Variants in MTHFD1L observed in about 807,000 individuals in gnomAD.
The protein encoded by MTHFD1L is monofunctional C1-tetrahydrofolate synthase, mitochondrial.
A neutral mutation model predicts 119.5 loss-of-function variants in MTHFD1L; 81 were observed. The ratio of observed to expected loss-of-function variants is 0.68; its 90% CI spans 0.57 to 0.82. MTHFD1L has a LOEUF of 0.82. Among genes scored for constraint, MTHFD1L ranks in the 40% least tolerant of loss-of-function variants. The pLI is 0.00. For synonymous variants in MTHFD1L, 430 were observed against 475.2 expected, an observed-to-expected ratio of 0.90 and a Z score of 1.24; for missense variants, 1,125 against 1,253.4, an observed-to-expected ratio of 0.90 and a Z score of 1.55.
At chr6:150,958,206 TTTTA>T (rs1429558397) in intron 17 of MTHFD1L, among the ~76,000 whole-genome samples, 1 of 152,206 alleles carries the variant, frequency 6.6e-6, no homozygotes, top group African/African-American at 2.4e-5. Flanking sequence ...TTTAACTGCT[TTTTA>T]TTTATCATAA....
chr6:151,044,618 C>T (rs980828377), intron 26 of MTHFD1L, among the ~76,000 whole-genome samples: 2 of 152,080 alleles, frequency 1.3e-5, no homozygotes, highest in Admixed American at 6.6e-5. Flanking sequence ...TGCTTTTTTC[C>T]TCCTGTCGGG....
At chr6:151,042,580 G>C (rs1787295855) in intron 26 of MTHFD1L, among the ~76,000 whole-genome samples, 1 of 152,142 alleles carries the variant, frequency 6.6e-6, no homozygotes, top group African/African-American at 2.4e-5. Flanking sequence ...AAATAATTTA[G>C]TAGTAGGTGG....
chr6:151,032,747 G>A (rs965108925), intron 24 of MTHFD1L, among the ~76,000 whole-genome samples: 1 of 152,102 alleles, frequency 6.6e-6, no homozygotes, highest in South Asian at 2.1e-4. Flanking sequence ...CTCTTTTTAT[G>A]TCCCTCAGTG....
At chr6:151,010,654 A>G (rs1305357290) in intron 21 of MTHFD1L, among the ~76,000 whole-genome samples, 2 of 152,152 alleles carry the variant, frequency 1.3e-5, no homozygotes, top group East Asian at 3.8e-4. Flanking sequence ...AAACCTGTGC[A>G]TAGATTTTTG....
intron 18 of MTHFD1L, among the ~76,000 whole-genome samples, chr6:150,962,823 ACTC>A (rs1217699398): frequency 2.0e-5 from 3 of 150,270 alleles, no homozygotes; most frequent in African/African-American, 7.4e-5. Context: ...TAGGAAAACT[ACTC>A]CTCTTCTTCC....
At chr6:150,866,718 A>G in intron 1 of MTHFD1L, 1 of 1,103,038 alleles carries the variant, frequency 9.1e-7, no homozygotes. Flanking sequence ...CGCAGCGCCC[A>G]CGGAGTCCCC....
At chr6:150,950,051 G>A (rs373803442) in intron 16 of MTHFD1L, among the ~76,000 whole-genome samples, 7 of 137,452 alleles carry the variant, frequency 5.1e-5, no homozygotes, top group African/African-American at 1.8e-4. Flanking sequence ...TATCAGATGC[G>A]CATTTTATAG....
intron 18 of MTHFD1L, among the ~76,000 whole-genome samples, chr6:150,960,932 A>G (rs894333539): frequency 2.6e-5 from 4 of 152,124 alleles, no homozygotes; most frequent in African/African-American, 7.2e-5. Context: ...CTCTGCCTCA[A>G]TCAGTCTTGC....
In MTHFD1L at chr6:150,944,524, C is replaced by T. The variant is rs952366123; in HGVS notation, c.1479C>T (p.Thr493=). 22 of 1,614,026 alleles carry T rather than the reference C, an allele frequency of 1.4e-5. No homozygotes were observed. The highest frequency in any genetic ancestry group is 5.3e-5 in the African/African-American group (4 of 75,050). Reference sequence around the variant, plus strand: ...TGACTGGAGACATCCACGCCATCACCGCTGCCAATAACTTGCTGGCTGCCG... The same window carrying T: ...TGACTGGAGACATCCACGCCATCACTGCTGCCAATAACTTGCTGGCTGCCG... ...LHLTGDIHAI[T]AANNLLAAAI... Residue 493 remains threonine, a synonymous_variant, in exon 14 of 28, where the codon ACC becomes ACT. Transcript: ENST00000367321.
chr6:150,907,998 G>A (rs11962949), intron 8 of MTHFD1L, among the ~76,000 whole-genome samples: 7,146 of 150,448 alleles, frequency 0.047, 588 homozygotes, highest in African/African-American at 0.17. Flanking sequence ...TCTGGGTTCA[G>A]GTGATTCTCC....
At position 151,020,883 on chromosome 6, in the gene MTHFD1L, C is replaced by T. The variant is rs145438732; in HGVS notation, c.2586+5190C>T. 4.7e-3 allele frequency among the ~76,000 whole-genome samples: 709 copies of T among 152,304 alleles called. 5 individuals carry two copies. The highest frequency in any genetic ancestry group is 0.016 in the African/African-American group (676 of 41,568). On this transcript the variant is annotated intron_variant, in intron 24 of 27. Coordinates refer to ENST00000367321, the MANE Select transcript of MTHFD1L (RefSeq NM_015440.5). ...GCTGAAAGAAACGCTAATCTACATGCGCACTTTATTAGCTAAGAAATCCCT... is the reference window on the plus strand; with the variant it reads ...GCTGAAAGAAACGCTAATCTACATGTGCACTTTATTAGCTAAGAAATCCCT...
intron 8 of MTHFD1L, among the ~76,000 whole-genome samples, chr6:150,912,474 C>T (rs941999100): frequency 6.6e-6 from 1 of 152,076 alleles, no homozygotes; most frequent in East Asian, 1.9e-4. Context: ...GGCCAGACTG[C>T]ATAGAAGCTG....
intron 10 of MTHFD1L, among the ~76,000 whole-genome samples, chr6:150,922,639 C>A (rs1008635985): frequency 2.0e-5 from 2 of 98,668 alleles, no homozygotes; most frequent in East Asian, 6.4e-4. Flanking sequence ...GTGTTTTCCC[C>A]CCCCACCCTT....
In MTHFD1L at chr6:150,877,832, A is replaced by G; in HGVS notation, c.417+6A>G. ...CAGATAGCAGTGAAGCCGAGGTAAT[A>G]ATGGCAGAGCTCTAAACTCTTGCTT... On this transcript the variant is annotated splice_donor_region_variant and intron_variant, in intron 4 of 27. Transcript: ENST00000367321. 6.2e-7 allele frequency: 1 copy of G among 1,614,216 alleles called. No homozygotes were observed. The highest frequency in any genetic ancestry group is 8.5e-7 in the Non-Finnish European group (1 of 1,180,024).
intron 17 of MTHFD1L, among the ~76,000 whole-genome samples, chr6:150,959,751 A>G (rs1348625281): frequency 1.3e-5 from 2 of 152,170 alleles, no homozygotes; most frequent in Non-Finnish European, 2.9e-5. Context: ...AGCCTTCTTG[A>G]CAGACCTATT....
At chr6:150,945,019 T>C (rs1793701183) in intron 14 of MTHFD1L, among the ~76,000 whole-genome samples, 2 of 152,248 alleles carry the variant, frequency 1.3e-5, no homozygotes, top group African/African-American at 4.8e-5. Flanking sequence ...TTGGGCTTCA[T>C]GTGCTTGTAG....
chr6:150,965,062 ATTGT>A lies in MTHFD1L; in HGVS notation c.2013+29_2013+32del, dbSNP rs772739378. 5.0e-6 allele frequency: 8 copies of A among 1,602,044 alleles called. No individual in the cohort carries two copies. The East Asian group carries it at 1.8e-4, about 36-fold the overall frequency. On this transcript the variant is annotated intron_variant, in intron 19 of 27. Transcript: ENST00000367321. ...AGTAAGTGGTTTTCTTCTTATAGTA[ATTGT>A]TTGCATTAACTGGATTGCCACACAA...
intron 19 of MTHFD1L, among the ~76,000 whole-genome samples, chr6:150,969,053 T>C (rs1457802189): frequency 1.3e-5 from 2 of 151,950 alleles, no homozygotes; most frequent in African/African-American, 4.8e-5. Context: ...TTTACCATGT[T>C]GGCCAGGCTG....
At chr6:150,903,877 T>C (rs2128838293) in intron 7 of MTHFD1L, among the ~76,000 whole-genome samples, 1 of 152,386 alleles carries the variant, frequency 6.6e-6, no homozygotes, top group Non-Finnish European at 1.5e-5. Flanking sequence ...TTTCCCTATT[T>C]ACATGGTCAA....
Sources: gnomAD v4.1 joint callset for allele counts (sites outside exome capture counted in the v4.1 genomes callset) on GRCh38, gnomAD v4.1.1 for gene constraint, MANE v1.5 for transcripts, NCBI Gene and HGNC (gene_info 2026-07-23, HGNC 2026-07-21) for gene names.